The following ZNF43 variants were observed in gnomAD, a reference collection of about 807,000 sequenced individuals.
ZNF43 encodes the protein zinc finger protein 39-like 1 (KOX 27).
A neutral mutation model predicts 68.4 loss-of-function variants in ZNF43; 44 were observed. The ratio of observed to expected loss-of-function variants is 0.64; its 90% confidence interval spans 0.51 to 0.83. The LOEUF (loss-of-function observed/expected upper bound fraction) is 0.83, where lower values mean the gene tolerates loss of function less well. Among genes scored for constraint, ZNF43 ranks in the 40% least tolerant of loss-of-function variants. ZNF43 has a pLI of 0.00. For missense variants in ZNF43, 896 were observed against 933.2 expected, an observed-to-expected ratio of 0.96 and a Z score of 0.52; for synonymous variants, 308 against 307.8, an observed-to-expected ratio of 1.00 and a Z score of -0.01.
Position 21,836,124 on chromosome 19 carries a change from G to C in ZNF43, c.-86C>G. 2.5e-6 allele frequency: 4 copies of C among 1,606,910 alleles called. No individual in the cohort carries two copies. Among genetic ancestry groups the C allele is most frequent in the Non-Finnish European group, 3.4e-6 (4 of 1,175,802 alleles). ...CAGAGCCACAGAGGCTGGACCTCTA[G>C]CAGCAGAGGACACAGAAGAACGAAG... On this transcript the variant is annotated 5_prime_UTR_variant, in exon 1 of 4. Coordinates refer to ENST00000354959, the MANE Select transcript of ZNF43 (RefSeq NM_003423.4).
intron 1 of ZNF43, among the ~76,000 whole-genome samples, chr19:21,848,214 G>A (rs2145427839): frequency 1.3e-5 from 2 of 152,252 alleles, no homozygotes; most frequent in East Asian, 3.9e-4. Flanking sequence ...TGTCATGTCG[G>A]CTCACTGCAA....
At chr19:21,844,896 C>CAAAAAAA (rs869257892) in intron 1 of ZNF43, among the ~76,000 whole-genome samples, 8 of 35,794 alleles carry the variant, frequency 2.2e-4, no homozygotes, top group African/African-American at 1.1e-3. Context: ...GATTCCGTCT[C>CAAAAAAA]AAAAAAAAAA....
intron 1 of ZNF43, among the ~76,000 whole-genome samples, chr19:21,829,534 G>A (rs2038321634): frequency 6.6e-6 from 1 of 152,010 alleles, no homozygotes. Flanking sequence ...CCCAAATCAA[G>A]GATAAGCAAT....
At chr19:21,811,594 C>A (rs1230347753) in intron 3 of ZNF43, among the ~76,000 whole-genome samples, 1 of 150,330 alleles carries the variant, frequency 6.7e-6, no homozygotes. Context: ...AATAAAGAGG[C>A]ATTATACTTT....
At chr19:21,844,232 C>T (rs1967745309) in intron 1 of ZNF43, among the ~76,000 whole-genome samples, 1 of 151,434 alleles carries the variant, frequency 6.6e-6, no homozygotes. Flanking sequence ...CGGGCATATC[C>T]CAGCTGCTCA....
At chr19:21,832,707 A>G (rs759351840) in intron 1 of ZNF43, among the ~76,000 whole-genome samples, 15 of 152,164 alleles carry the variant, frequency 9.9e-5, no homozygotes, top group Non-Finnish European at 1.5e-4. Context: ...TCTACCAAAA[A>G]TACAAAAATT....
Position 21,819,175 on chromosome 19 carries a change from T to G in ZNF43, c.50A>C (p.Glu17Ala), listed in dbSNP as rs199785675. The G allele has an allele frequency of 5.0e-6, 8 of 1,607,288 alleles. No individual in the cohort carries two copies. Among genetic ancestry groups the G allele is most frequent in the Non-Finnish European group, 8.5e-7 (1 of 1,177,972 alleles). Residue 17 changes from glutamate to alanine, a missense_variant, in exon 2 of 4, where the codon GAG (glutamate) becomes GCG (alanine). Physicochemically the swap from Glu to Ala is moderately radical, Grantham distance 107. Coordinates refer to ENST00000354959, the MANE Select transcript of ZNF43 (RefSeq NM_003423.4). ...CTGTGCAATGTCCAGGCATTGCCAC[T>G]CCTCCAGACAGAATTCTATGGCCAC... ...MDVAIEFCLE[E>A]WQCLDIAQQN...
chr19:21,826,502 G>A (rs1425131761), intron 1 of ZNF43: 10 of 152,166 alleles, frequency 6.6e-5, no homozygotes, highest in Admixed American at 6.6e-4. Context: ...CCTGAGCAGT[G>A]ATTCAGGCTC....
Position 21,808,605 on chromosome 19 carries a change from C to A in ZNF43, c.1432G>T (p.Ala478Ser). 6.2e-7 allele frequency: 1 copy of A among 1,613,402 alleles called. No individual in the cohort carries two copies. Among genetic ancestry groups the A allele is most frequent in the Non-Finnish European group, 8.5e-7 (1 of 1,179,810 alleles). The change falls in exon 4 of 4, where the codon GCA becomes TCA. Residue 478 changes from alanine (A) to serine (S), a missense_variant. By Grantham distance (99) the Ala-to-Ser change is moderately conservative. Coordinates refer to ENST00000354959, the MANE Select transcript of ZNF43 (RefSeq NM_003423.4). ...TCTTCACATTTGTACGGTTTTTCTGCAGTATGAATTCTCTTATGTGTAGTA... is the reference window on the plus strand; with the variant it reads ...TCTTCACATTTGTACGGTTTTTCTGAAGTATGAATTCTCTTATGTGTAGTA... Reference protein sequence around the residue: ...NLTTHKRIHTAEKPYKCEECG... With the variant: ...NLTTHKRIHTSEKPYKCEECG...
intron 1 of ZNF43, among the ~76,000 whole-genome samples, chr19:21,823,982 C>A (rs2037981810): frequency 6.6e-6 from 1 of 152,064 alleles, no homozygotes; most frequent in Non-Finnish European, 1.5e-5. Flanking sequence ...CAGATCAAGA[C>A]CATCCTGGCT....
intron 1 of ZNF43, among the ~76,000 whole-genome samples, chr19:21,833,307 G>A (rs1033414851): frequency 7.3e-5 from 11 of 151,660 alleles, no homozygotes; most frequent in African/African-American, 2.2e-4. Flanking sequence ...CCCTCTTGTC[G>A]CCCAGGCTGA....
Position 21,807,561 on chromosome 19 carries a change from C to T in ZNF43, c.*46G>A. 9.6e-6 allele frequency: 14 copies of T among 1,455,610 alleles called. No homozygotes were observed. The highest frequency in any genetic ancestry group is 1.2e-5 in the Non-Finnish European group (13 of 1,088,908). The allele number at this position is 1,455,610 out of a possible 1,614,324, so 90.2% of individuals were successfully genotyped here. On this transcript the variant is annotated 3_prime_UTR_variant, in exon 4 of 4. Transcript: ENST00000354959. ...AATCAAGTGTGACAACCATGTAAAGCCTTTATCACATTCTTTACATTTCTA... is the reference window on the plus strand; with the variant it reads ...AATCAAGTGTGACAACCATGTAAAGTCTTTATCACATTCTTTACATTTCTA...
At chr19:21,823,866 G>A (rs1435107140) in intron 1 of ZNF43, among the ~76,000 whole-genome samples, 1 of 152,122 alleles carries the variant, frequency 6.6e-6, no homozygotes, top group Non-Finnish European at 1.5e-5. Flanking sequence ...ACCACATCCA[G>A]CCTCAGGCTG....
In ZNF43 at chr19:21,814,372, T is replaced by C. The variant is rs540395304; in HGVS notation, c.229+3516A>G. ...ATATATTTATAAACACACACACACA[T>C]ATATAATATGATTGTGATAGACATT... On this transcript the variant is annotated intron_variant, in intron 3 of 3. Transcript: ENST00000354959. 1.3e-4 allele frequency among the ~76,000 whole-genome samples: 20 copies of C among 151,686 alleles called. No individual in the cohort carries two copies. The South Asian group carries it at 4.0e-3, about 30-fold the overall frequency.
At chr19:21,842,707 T>C (rs117163791) in intron 1 of ZNF43, among the ~76,000 whole-genome samples, 1 of 152,120 alleles carries the variant, frequency 6.6e-6, no homozygotes, top group South Asian at 2.1e-4. Flanking sequence ...AAATTCAGAT[T>C]ATGTAGATCC....
intron 1 of ZNF43, 49 bp from the exon 2 acceptor site, chr19:21,819,270 G>A: frequency 6.7e-7 from 1 of 1,493,406 alleles, no homozygotes. Context: ...TTACCAAGTG[G>A]CCACAGGCAG....
intron 1 of ZNF43, among the ~76,000 whole-genome samples, chr19:21,828,603 G>C (rs1307985282): frequency 6.6e-6 from 1 of 152,030 alleles, no homozygotes; most frequent in Non-Finnish European, 1.5e-5. Flanking sequence ...TGTAACCCCA[G>C]CTACTCAGGA....
intron 1 of ZNF43, among the ~76,000 whole-genome samples, chr19:21,822,536 T>C (rs2037904095): frequency 6.6e-6 from 1 of 152,150 alleles, no homozygotes; most frequent in South Asian, 2.1e-4. Flanking sequence ...CCGGGCGCGG[T>C]GGCTCACGCC....
chr19:21,843,294 C>T, intron 1 of ZNF43: 1 of 873,760 alleles, frequency 1.1e-6, no homozygotes, highest in South Asian at 5.2e-5. Flanking sequence ...AAATCGCTCA[C>T]ATTCTGAGCA....
Sources: allele counts gnomAD v4.1 joint callset (sites outside exome capture counted in the v4.1 genomes callset), GRCh38; gene constraint gnomAD v4.1.1; transcripts MANE v1.5; gene names NCBI Gene and HGNC (gene_info 2026-07-23, HGNC 2026-07-21).